COLEC12: variants seen among roughly 807,000 people sequenced by gnomAD.
COLEC12 encodes the protein collectin-12.
Under a neutral mutation model 71.1 loss-of-function variants are expected in COLEC12, and 33 were observed. The observed-to-expected ratio is 0.46, with a 90% CI of 0.35 to 0.62. The LOEUF is 0.62. Among genes scored for constraint, COLEC12 ranks in the 20% least tolerant of loss-of-function variants. The probability of loss-of-function intolerance (pLI) is 0.00; values close to 1 mark genes in which losing one functional copy is unlikely to be tolerated. For synonymous variants in COLEC12, 350 were observed against 353.0 expected, an observed-to-expected ratio of 0.99 and a Z score of 0.10; for missense variants, 765 against 916.1, an observed-to-expected ratio of 0.84 and a Z score of 2.13.
intron 2 of COLEC12, among the ~76,000 whole-genome samples, chr18:433,698 C>T (rs1171440630): frequency 2.0e-5 from 3 of 152,056 alleles, no homozygotes; most frequent in Non-Finnish European, 2.9e-5. Context: ...AGAGGCCCAG[C>T]ACAGTGGCTC....
intron 2 of COLEC12, among the ~76,000 whole-genome samples, chr18:447,480 G>A (rs1047143699): frequency 8.5e-5 from 13 of 152,310 alleles, no homozygotes; most frequent in African/African-American, 2.6e-4. Flanking sequence ...CTGAGCAGAG[G>A]CCACCCAGTC....
At chr18:429,568 G>A (rs1034442154) in intron 2 of COLEC12, among the ~76,000 whole-genome samples, 15 of 152,038 alleles carry the variant, frequency 9.9e-5, no homozygotes, top group African/African-American at 3.4e-4. Context: ...TTTTAGTAGA[G>A]ACAGGGATTT....
At chr18:365,483 A>G (rs1316840184) in intron 2 of COLEC12, among the ~76,000 whole-genome samples, 2 of 152,182 alleles carry the variant, frequency 1.3e-5, no homozygotes, top group Non-Finnish European at 2.9e-5. Context: ...TGGTCACCCC[A>G]TGGTTTTCTT....
chr18:457,568 A>G (rs1340201735), intron 2 of COLEC12, among the ~76,000 whole-genome samples: 4 of 152,214 alleles, frequency 2.6e-5, no homozygotes. Context: ...AAGAGGACAC[A>G]ACTGTTAAAA....
intron 2 of COLEC12, among the ~76,000 whole-genome samples, chr18:438,288 G>C (rs1290613861): frequency 6.6e-6 from 1 of 152,170 alleles, no homozygotes; most frequent in Non-Finnish European, 1.5e-5. Context: ...TATCTTCGAA[G>C]TTGACAGCTT....
intron 2 of COLEC12, among the ~76,000 whole-genome samples, chr18:368,512 T>TG (rs1914905358): frequency 6.6e-6 from 1 of 151,954 alleles, no homozygotes; most frequent in Non-Finnish European, 1.5e-5. Context: ...AGGCAGAGGT[T>TG]GCAGTGAGCC....
intron 2 of COLEC12, among the ~76,000 whole-genome samples, chr18:394,279 A>G (rs1915522531): frequency 6.6e-6 from 1 of 152,246 alleles, no homozygotes; most frequent in Non-Finnish European, 1.5e-5. Context: ...TACTGGGGTC[A>G]GTGTGGGTGT....
chr18:471,123 T>C (rs909593024), intron 2 of COLEC12, among the ~76,000 whole-genome samples: 7 of 152,184 alleles, frequency 4.6e-5, no homozygotes, highest in African/African-American at 1.7e-4. Context: ...TTCACACTTA[T>C]AAAAAAATAC....
In COLEC12 at chr18:347,179, T is replaced by A; in HGVS notation, c.443A>T (p.Asp148Val). The A allele has an allele frequency of 6.2e-7, 1 of 1,614,202 alleles. No individual in the cohort carries two copies. The highest frequency in any genetic ancestry group is 8.5e-7 in the Non-Finnish European group (1 of 1,180,046). ...AGTTTCTTTCAATTGACTCTGCCTG[T>A]CCACCAGAGCATCCCCGCTCGCCTG... ...KLQASGDALV[D>V]RQSQLKETLE... Residue 148 changes from aspartate (D) to valine (V), a missense_variant, in exon 5 of 10, where the codon GAC becomes GTC. By Grantham distance (152) the Asp-to-Val change is radical (BLOSUM62 -3). Transcript: ENST00000400256.
intron 2 of COLEC12, among the ~76,000 whole-genome samples, chr18:451,147 G>T (rs960656387): frequency 5.3e-5 from 8 of 152,292 alleles, no homozygotes; most frequent in East Asian, 3.9e-4. Flanking sequence ...ATGCCCCAGG[G>T]CTCTGTCCTT....
intron 2 of COLEC12, among the ~76,000 whole-genome samples, chr18:441,464 C>T (rs1356653162): frequency 6.6e-6 from 1 of 151,990 alleles, no homozygotes; most frequent in African/African-American, 2.4e-5. Context: ...ATGCTGAGTA[C>T]ATAATGGTGC....
At chr18:483,560 T>C (rs915300460) in intron 1 of COLEC12, among the ~76,000 whole-genome samples, 1 of 152,078 alleles carries the variant, frequency 6.6e-6, no homozygotes, top group African/African-American at 2.4e-5. Flanking sequence ...CTCAAAGTGG[T>C]TTTCTTATGG....
intron 8 of COLEC12, among the ~76,000 whole-genome samples, chr18:324,362 C>G (rs1913785040): frequency 6.6e-6 from 1 of 152,160 alleles, no homozygotes; most frequent in Non-Finnish European, 1.5e-5. Flanking sequence ...GCCCTGAATT[C>G]TACATTATCA....
Position 500,587 on chromosome 18 carries a change from G to A in COLEC12, c.-73C>T. On this transcript the variant is annotated 5_prime_UTR_variant, in exon 1 of 10. Coordinates refer to ENST00000400256, the MANE Select transcript of COLEC12 (RefSeq NM_130386.3). The surrounding 1 kb of genome is among the most constrained non-coding windows in gnomAD (Gnocchi z 5.3). ...CGCGCAGCCGAGGAAGTCGTCCCGA[G>A]CGGCTGCTCACCGCACGCCCATGGT... 1.7e-6 allele frequency: 2 copies of A among 1,185,212 alleles called. No homozygotes were observed. Among genetic ancestry groups the A allele is most frequent in the Non-Finnish European group, 2.1e-6 (2 of 953,200 alleles). The allele number at this position is 1,185,212 out of a possible 1,614,324, so 73.4% of individuals were successfully genotyped here.
In COLEC12 at chr18:478,624, A is replaced by G. The variant is rs367874722; in HGVS notation, c.58+2083T>C. Reference sequence around the variant, plus strand: ...CAAGACTCTGTCTCAAAACTAAAATAATAAAATAAAACACAAAAAACACCT... The same window carrying G: ...CAAGACTCTGTCTCAAAACTAAAATGATAAAATAAAACACAAAAAACACCT... On this transcript the variant is annotated intron_variant, in intron 2 of 9. Coordinates refer to ENST00000400256, the MANE Select transcript of COLEC12 (RefSeq NM_130386.3). Among the ~76,000 whole-genome samples the G allele has an allele frequency of 4.3e-4, 66 of 152,292 alleles. No homozygotes were observed. In the East Asian group the frequency reaches 9.1e-3, roughly 21 times the overall value.
intron 2 of COLEC12, among the ~76,000 whole-genome samples, chr18:473,264 G>C (rs1917236990): frequency 1.3e-5 from 2 of 152,162 alleles, no homozygotes; most frequent in South Asian, 4.1e-4. Context: ...AATCACTCCA[G>C]TTCACAACTT....
intron 2 of COLEC12, among the ~76,000 whole-genome samples, chr18:444,559 G>A (rs143595243): frequency 1.1e-3 from 167 of 152,234 alleles, no homozygotes; most frequent in African/African-American, 3.9e-3. Flanking sequence ...TTTTGAAATG[G>A]TATCCTCAGA....
chr18:423,631 G>A (rs1211958164), intron 2 of COLEC12: 2 of 152,198 alleles, frequency 1.3e-5, no homozygotes, highest in Non-Finnish European at 2.9e-5. Context: ...TGAGAAACCA[G>A]TAAATGAGAT....
At chr18:335,554 G>T (rs537553702) in intron 5 of COLEC12, among the ~76,000 whole-genome samples, 1 of 152,280 alleles carries the variant, frequency 6.6e-6, no homozygotes, top group East Asian at 1.9e-4. Context: ...TTAAAGAAGA[G>T]GGGATTAGGT....
Sources: allele counts gnomAD v4.1 joint callset (sites outside exome capture counted in the v4.1 genomes callset), GRCh38; gene constraint gnomAD v4.1.1; non-coding constraint Gnocchi (gnomAD v3.1); transcripts MANE v1.5; gene names NCBI Gene and HGNC (gene_info 2026-07-23, HGNC 2026-07-21).